SLC22A24: variants seen among roughly 807,000 people sequenced by gnomAD.
SLC22A24 encodes steroid transmembrane transporter SLC22A24.
SLC22A24 carries 53 observed loss-of-function variants against 49.8 expected under a neutral mutation model. The ratio of observed to expected loss-of-function variants is 1.06; its 90% CI spans 0.85 to 1.34. The LOEUF is 1.34. Ranked by LOEUF, SLC22A24 falls within the 40% of genes most tolerant of loss-of-function variation. The pLI is 0.00. For missense variants in SLC22A24, 786 were observed against 675.9 expected (o/e 1.16, Z -1.81); for synonymous variants, 302 against 256.4 (o/e 1.18, Z -1.70).
At chr11:63,129,987 C>T (rs192597894) in intron 2 of SLC22A24, among the ~76,000 whole-genome samples, 1 of 152,154 alleles carries the variant, frequency 6.6e-6, no homozygotes, top group Non-Finnish European at 1.5e-5. Flanking sequence ...TGCCTGATTG[C>T]CGTGGCCAGA....
At chr11:63,119,903 G>A (rs1248043998) in intron 2 of SLC22A24, among the ~76,000 whole-genome samples, 2 of 152,056 alleles carry the variant, frequency 1.3e-5, no homozygotes, top group African/African-American at 4.8e-5. Flanking sequence ...GTGTTTTTTG[G>A]CTGCATAAAT....
chr11:63,121,239 T>G (rs1411253456), intron 2 of SLC22A24, among the ~76,000 whole-genome samples: 1 of 152,174 alleles, frequency 6.6e-6, no homozygotes, highest in Non-Finnish European at 1.5e-5. Flanking sequence ...GAAGGGATTA[T>G]ATGGGAACAC....
At chr11:63,134,815 AC>A (rs1441122633) in intron 1 of SLC22A24, 47 bp from the exon 2 acceptor site, 1 of 1,344,032 alleles carries the variant, frequency 7.4e-7, no homozygotes, top group Admixed American at 2.0e-5. Context: ...AAGAGTTTCA[AC>A]TCTTTAGTAG....
At chr11:63,111,983 A>G (rs1322020278) in intron 4 of SLC22A24, among the ~76,000 whole-genome samples, 1 of 151,878 alleles carries the variant, frequency 6.6e-6, no homozygotes, top group Non-Finnish European at 1.5e-5. Flanking sequence ...TCTTGTGGGC[A>G]TCTAGTGCTA....
intron 4 of SLC22A24, chr11:63,118,437 A>G (rs1377269190): frequency 5.8e-6 from 1 of 172,542 alleles, no homozygotes; most frequent in Non-Finnish European, 1.2e-5. Flanking sequence ...TGGAGGAACC[A>G]ATTTTTGGAG....
chr11:63,125,204 A>G (rs1240350054), intron 2 of SLC22A24, among the ~76,000 whole-genome samples: 1 of 152,152 alleles, frequency 6.6e-6, no homozygotes, highest in African/African-American at 2.4e-5. Context: ...CCTGTGCAGA[A>G]TGTGCAGTTT....
At chr11:63,097,355 C>T (rs1488164594) in intron 5 of SLC22A24, among the ~76,000 whole-genome samples, 1 of 152,096 alleles carries the variant, frequency 6.6e-6, no homozygotes, top group Admixed American at 6.5e-5. Context: ...TAGAGAAATG[C>T]AAATCAAAAC....
chr11:63,080,495 T>C (rs2086952854), intron 9 of SLC22A24, among the ~76,000 whole-genome samples: 1 of 152,192 alleles, frequency 6.6e-6, no homozygotes, highest in Admixed American at 6.5e-5. Flanking sequence ...AATAATTAGG[T>C]ATGAGGCAAT....
At chr11:63,111,510 A>G (rs2134658989) in intron 4 of SLC22A24, among the ~76,000 whole-genome samples, 1 of 152,246 alleles carries the variant, frequency 6.6e-6, no homozygotes, top group Admixed American at 6.5e-5. Flanking sequence ...GCTATTGATT[A>G]TTGCCACAAT....
rs753139006 is a variant in SLC22A24 at position 63,118,877 on chromosome 11, C to A, written c.830+35G>T. 4 of 1,550,646 alleles carry A rather than the reference C, an allele frequency of 2.6e-6. No homozygotes were observed. The East Asian group carries it at 9.8e-5, about 38-fold the overall frequency. On this transcript the variant is annotated intron_variant, in intron 4 of 9. Coordinates refer to ENST00000612278, the MANE Select transcript of SLC22A24 (RefSeq NM_001136506.2). ...TTCCTTTCTATGTCTACCATAGCCT[C>A]GCTTACAGGCAAAGAATGTGGAGAT...
At chr11:63,112,241 A>G (rs1590739460) in intron 4 of SLC22A24, among the ~76,000 whole-genome samples, 1 of 152,108 alleles carries the variant, frequency 6.6e-6, no homozygotes, top group African/African-American at 2.4e-5. Context: ...CTGTTCTTTT[A>G]CATTTGCTGA....
At chr11:63,118,574 G>T in intron 4 of SLC22A24, 1 of 519,324 alleles carries the variant, frequency 1.9e-6, no homozygotes. Context: ...TTCAATCTCA[G>T]TTACAATGAC....
chr11:63,118,390 A>G (rs2087226523), intron 4 of SLC22A24: 1 of 157,048 alleles, frequency 6.4e-6, no homozygotes, highest in Non-Finnish European at 1.4e-5. Flanking sequence ...GAAAGAGATG[A>G]TTTTGACAAC....
chr11:63,135,782 C>A (rs765395469), intron 1 of SLC22A24, among the ~76,000 whole-genome samples: 40 of 152,140 alleles, frequency 2.6e-4, no homozygotes, highest in African/African-American at 9.7e-4. Flanking sequence ...AGACAACTTG[C>A]AACATCAACA....
chr11:63,123,428 CTTTCAT>C (rs549177058), intron 2 of SLC22A24, among the ~76,000 whole-genome samples: 28 of 152,258 alleles, frequency 1.8e-4, no homozygotes, highest in African/African-American at 6.7e-4. Flanking sequence ...ACCCCTTCCA[CTTTCAT>C]AACTATGAAA....
chr11:63,094,856 A>G (rs1298176007), intron 6 of SLC22A24, among the ~76,000 whole-genome samples: 1 of 151,824 alleles, frequency 6.6e-6, no homozygotes, highest in African/African-American at 2.4e-5. Context: ...AATTTGTTTG[A>G]GTTCTTTGTA....
chr11:63,120,697 T>G (rs2087245859), intron 2 of SLC22A24, among the ~76,000 whole-genome samples: 1 of 152,154 alleles, frequency 6.6e-6, no homozygotes, highest in African/African-American at 2.4e-5. Flanking sequence ...CTCAGTAGTA[T>G]TAGCATACAA....
At chr11:63,113,034 AAAT>A (rs2087179546) in intron 4 of SLC22A24, among the ~76,000 whole-genome samples, 5 of 22,992 alleles carry the variant, frequency 2.2e-4, no homozygotes, top group Admixed American at 7.0e-4. Flanking sequence ...AAAAAAAAAA[AAAT>A]ATATATATAT....
chr11:63,122,821 A>G (rs1178231280), intron 2 of SLC22A24, among the ~76,000 whole-genome samples: 1 of 152,092 alleles, frequency 6.6e-6, no homozygotes, highest in Non-Finnish European at 1.5e-5. Context: ...TGCCTGGCCT[A>G]TTTTATTTCT....
Sources: gnomAD v4.1 joint callset for allele counts (sites outside exome capture counted in the v4.1 genomes callset) on GRCh38, gnomAD v4.1.1 for gene constraint, MANE v1.5 for transcripts, NCBI Gene and HGNC (gene_info 2026-07-23, HGNC 2026-07-21) for gene names.